The following AK8 variants were observed in gnomAD, a reference collection of about 807,000 sequenced individuals.
AK8 encodes the protein adenylate kinase 8.
A neutral mutation model predicts 54.6 loss-of-function variants in AK8; 44 were observed. That is an observed-to-expected ratio of 0.81 (90% CI 0.63 to 1.04). AK8 has a LOEUF of 1.04. Among genes scored for constraint, AK8 ranks in the 50% least tolerant of loss-of-function variants. The pLI is 0.00. For missense variants in AK8, 555 were observed against 613.6 expected, an observed-to-expected ratio of 0.90 and a Z score of 1.01; for synonymous variants, 239 against 245.6, an observed-to-expected ratio of 0.97 and a Z score of 0.25.
At chr9:132,737,062 T>A (rs1190067434) in intron 11 of AK8, among the ~76,000 whole-genome samples, 2 of 152,196 alleles carry the variant, frequency 1.3e-5, no homozygotes, top group Non-Finnish European at 2.9e-5. Flanking sequence ...GGTGGTGATG[T>A]TTGTACAACA....
intron 11 of AK8, among the ~76,000 whole-genome samples, chr9:132,788,498 T>G (rs1307647865): frequency 6.6e-6 from 1 of 152,170 alleles, no homozygotes; most frequent in Admixed American, 6.5e-5. Context: ...CATTTCACAA[T>G]GAACACATAG....
chr9:132,845,235 C>A (rs1842701335), intron 5 of AK8, among the ~76,000 whole-genome samples: 1 of 152,210 alleles, frequency 6.6e-6, no homozygotes, highest in Non-Finnish European at 1.5e-5. Context: ...ATAATAATAA[C>A]ACACATTATA....
chr9:132,793,141 C>G (rs1053808568), intron 10 of AK8, among the ~76,000 whole-genome samples: 1 of 152,160 alleles, frequency 6.6e-6, no homozygotes, highest in Non-Finnish European at 1.5e-5. Flanking sequence ...AAGATCAAGT[C>G]AGATTCAGTG....
chr9:132,737,148 A>AAC (rs887935004), intron 11 of AK8, among the ~76,000 whole-genome samples: 62 of 151,454 alleles, frequency 4.1e-4, no homozygotes, highest in South Asian at 3.5e-3. Flanking sequence ...ATATATATTT[A>AAC]ACACACACAC....
chr9:132,795,101 A>G (rs1840102912), intron 10 of AK8, among the ~76,000 whole-genome samples: 1 of 152,198 alleles, frequency 6.6e-6, no homozygotes, highest in African/African-American at 2.4e-5. Flanking sequence ...CAGATTAAGA[A>G]CAGCCTTGGA....
intron 2 of AK8, among the ~76,000 whole-genome samples, chr9:132,870,606 C>T (rs962685201): frequency 2.0e-5 from 3 of 152,250 alleles, no homozygotes; most frequent in African/African-American, 7.2e-5. Context: ...ATCTGCCTTT[C>T]TGGCGGCGAA....
intron 4 of AK8, among the ~76,000 whole-genome samples, chr9:132,857,853 C>T (rs1372055964): frequency 6.6e-6 from 1 of 152,238 alleles, no homozygotes; most frequent in Admixed American, 6.5e-5. Context: ...CGCTGCTCCC[C>T]GCCACTGTGC....
intron 8 of AK8, among the ~76,000 whole-genome samples, chr9:132,825,967 C>T (rs1262162089): frequency 6.6e-6 from 1 of 152,182 alleles, no homozygotes; most frequent in Non-Finnish European, 1.5e-5. Context: ...CTCAGCAAGA[C>T]TTTTGAAAAG....
At position 132,828,738 on chromosome 9, in the gene AK8, A is replaced by G; in HGVS notation, c.403-12T>C. The G allele has an allele frequency of 6.3e-7, 1 of 1,597,468 alleles. No homozygotes were observed. ...TCCAGAATCCAGCCCTAGACAGAAGATTCAGAGAGGTGCTCATCTGTTTTG... is the reference window on the plus strand; with the variant it reads ...TCCAGAATCCAGCCCTAGACAGAAGGTTCAGAGAGGTGCTCATCTGTTTTG... On this transcript the variant is annotated splice_polypyrimidine_tract_variant and intron_variant, in intron 5 of 12. Transcript: ENST00000298545.
intron 11 of AK8, among the ~76,000 whole-genome samples, chr9:132,775,599 G>C (rs1170181814): frequency 1.3e-5 from 2 of 152,166 alleles, no homozygotes; most frequent in Non-Finnish European, 2.9e-5. Flanking sequence ...ATGAGCCACT[G>C]TGCCTGGCCT....
intron 5 of AK8, among the ~76,000 whole-genome samples, chr9:132,841,314 T>C (rs1842535118): frequency 6.6e-6 from 1 of 152,128 alleles, no homozygotes; most frequent in Admixed American, 6.5e-5. Context: ...CCCATAAGAA[T>C]CACATTCCCG....
chr9:132,803,611 T>G lies in AK8; in HGVS notation c.980-10836A>C, dbSNP rs1181209813. Among the ~76,000 whole-genome samples, 2 of 152,060 alleles carry G rather than the reference T, an allele frequency of 1.3e-5. No individual in the cohort carries two copies. Among genetic ancestry groups the G allele is most frequent in the Non-Finnish European group, 2.9e-5 (2 of 68,002 alleles). On this transcript the variant is annotated intron_variant, in intron 10 of 12. Coordinates refer to ENST00000298545, the MANE Select transcript of AK8 (RefSeq NM_152572.3). The surrounding 1 kb of genome is among the most constrained non-coding windows in gnomAD (Gnocchi z 4.4). Reference sequence around the variant, plus strand: ...ATCCTAGGAAAGCTCGCCTTACAGATGGGAAAACTGAAGGGAGCTCTGAGG... The same window carrying G: ...ATCCTAGGAAAGCTCGCCTTACAGAGGGGAAAACTGAAGGGAGCTCTGAGG...
At chr9:132,851,664 G>T (rs1842977258) in intron 5 of AK8, among the ~76,000 whole-genome samples, 1 of 152,208 alleles carries the variant, frequency 6.6e-6, no homozygotes, top group South Asian at 2.1e-4. Flanking sequence ...TGTGCACATA[G>T]CACAGAGCTG....
At chr9:132,833,403 G>A (rs904243571) in intron 5 of AK8, among the ~76,000 whole-genome samples, 1 of 152,184 alleles carries the variant, frequency 6.6e-6, no homozygotes, top group Non-Finnish European at 1.5e-5. Flanking sequence ...CCTGTGTTGC[G>A]AGGTTCGCGG....
chr9:132,811,300 G>A (rs420496), intron 10 of AK8, among the ~76,000 whole-genome samples: 42,849 of 152,120 alleles, frequency 0.28, 6,196 homozygotes, highest in East Asian at 0.49. Context: ...GATGATCCTG[G>A]ATCGTTCTGG....
At chr9:132,824,361 G>A (rs1440942091) in intron 8 of AK8, among the ~76,000 whole-genome samples, 2 of 152,194 alleles carry the variant, frequency 1.3e-5, no homozygotes, top group African/African-American at 2.4e-5. Flanking sequence ...GGGTGGCCCC[G>A]TTACACCTTC....
At chr9:132,738,800 G>A (rs1371621633) in intron 11 of AK8, among the ~76,000 whole-genome samples, 1 of 149,036 alleles carries the variant, frequency 6.7e-6, no homozygotes, top group Non-Finnish European at 1.5e-5. Context: ...GCCCCCCCAG[G>A]CTGGAGTGCA....
At chr9:132,806,922 G>A (rs1239780974) in intron 10 of AK8, among the ~76,000 whole-genome samples, 8 of 152,092 alleles carry the variant, frequency 5.3e-5, no homozygotes, top group Non-Finnish European at 1.2e-4. Flanking sequence ...GCCTTTTCTC[G>A]GGTTCTATTA....
chr9:132,828,803 T>C (rs1841986865), intron 5 of AK8, 77 bp from the exon 6 acceptor site: 1 of 1,161,350 alleles, frequency 8.6e-7, no homozygotes, highest in South Asian at 1.7e-5. Context: ...AGGAATATAA[T>C]AGCTTTATAG....
Sources: allele counts gnomAD v4.1 joint callset (sites outside exome capture counted in the v4.1 genomes callset), GRCh38; gene constraint gnomAD v4.1.1; non-coding constraint Gnocchi (gnomAD v3.1); transcripts MANE v1.5; gene names NCBI Gene and HGNC (gene_info 2026-07-23, HGNC 2026-07-21).